EXOC6: variants seen among roughly 807,000 people sequenced by gnomAD.
EXOC6 encodes SEC15-like 1.
A neutral mutation model predicts 112.5 loss-of-function variants in EXOC6; 60 were observed. The observed-to-expected ratio is 0.53, with a 90% CI of 0.43 to 0.66. EXOC6 has a LOEUF of 0.66. EXOC6 is among the 30% of genes least tolerant of loss of function. EXOC6 has a pLI of 0.00. For missense variants in EXOC6, 855 were observed against 957.1 expected (o/e 0.89, Z 1.41); for synonymous variants, 295 against 308.0 (o/e 0.96, Z 0.44).
rs77372495 is a variant in EXOC6, at chr10:92,918,357, A to G, written c.820-1625A>G. On this transcript the variant is annotated intron_variant, in intron 7 of 21. Coordinates refer to ENST00000260762, the MANE Select transcript of EXOC6 (RefSeq NM_019053.6). ...GAATTTTTAGTTGAACCATACGACTATGTGCTCATGACTGCATTTGTGAAT... is the reference window on the plus strand; with the variant it reads ...GAATTTTTAGTTGAACCATACGACTGTGTGCTCATGACTGCATTTGTGAAT... 9.4e-4 allele frequency among the ~76,000 whole-genome samples: 142 copies of G among 151,682 alleles called. 5 individuals are homozygous for G. The East Asian group carries it at 0.022, about 23-fold the overall frequency.
chr10:92,898,362 T>A (rs1849946010), intron 4 of EXOC6, among the ~76,000 whole-genome samples: 1 of 150,996 alleles, frequency 6.6e-6, no homozygotes, highest in South Asian at 2.1e-4. Flanking sequence ...CCCAAGAGGT[T>A]GAGGCTGCAG....
At chr10:92,858,589 C>T (rs1847742104) in intron 1 of EXOC6, among the ~76,000 whole-genome samples, 1 of 152,060 alleles carries the variant, frequency 6.6e-6, no homozygotes, top group South Asian at 2.1e-4. Context: ...CTGGAATTTC[C>T]AATTATTAAA....
At chr10:92,943,851 C>G (rs1281229901) in intron 13 of EXOC6, among the ~76,000 whole-genome samples, 1 of 152,156 alleles carries the variant, frequency 6.6e-6, no homozygotes, top group Non-Finnish European at 1.5e-5. Flanking sequence ...AAACTGTACT[C>G]TTTGACAAAC....
chr10:93,015,467 G>A (rs762900210), intron 20 of EXOC6, among the ~76,000 whole-genome samples: 4 of 152,058 alleles, frequency 2.6e-5, no homozygotes, highest in Non-Finnish European at 5.9e-5. Flanking sequence ...ATGAGTTGCC[G>A]GCTGGGCTGT....
intron 1 of EXOC6, among the ~76,000 whole-genome samples, chr10:92,853,781 C>T (rs1847463633): frequency 6.6e-6 from 1 of 151,938 alleles, no homozygotes; most frequent in Non-Finnish European, 1.5e-5. Flanking sequence ...AACTATAAGA[C>T]TACTAGAAAA....
At chr10:92,877,082 C>T (rs1317914037) in intron 1 of EXOC6, among the ~76,000 whole-genome samples, 1 of 151,874 alleles carries the variant, frequency 6.6e-6, no homozygotes, top group Non-Finnish European at 1.5e-5. Context: ...GGAAACTTAC[C>T]CTTTGTGGTT....
chr10:92,849,077 G>T (rs1847195895), intron 1 of EXOC6, among the ~76,000 whole-genome samples: 2 of 152,160 alleles, frequency 1.3e-5, no homozygotes, highest in Non-Finnish European at 2.9e-5. Context: ...GTGCCAGGTC[G>T]CGCGCGGGTG....
upstream of EXOC6, among the ~76,000 whole-genome samples, chr10:92,830,879 C>T (rs1846463634): frequency 6.6e-6 from 1 of 152,134 alleles, no homozygotes; most frequent in Non-Finnish European, 1.5e-5. Flanking sequence ...ACACGCCATT[C>T]TTTTTTATGG....
intron 18 of EXOC6, among the ~76,000 whole-genome samples, chr10:92,988,681 C>A (rs1193511816): frequency 6.6e-6 from 1 of 152,002 alleles, no homozygotes. Flanking sequence ...TTTCTGAGGC[C>A]GGACACGGTG....
chr10:93,024,413 C>A (rs552098180), intron 20 of EXOC6, among the ~76,000 whole-genome samples: 18 of 151,982 alleles, frequency 1.2e-4, no homozygotes, highest in Non-Finnish European at 2.5e-4. Flanking sequence ...TCTTAGAGAC[C>A]ATTTTTATTA....
At chr10:92,909,716 T>G (rs1258455352) in intron 6 of EXOC6, 85 bp downstream of exon 6, 1 of 782,052 alleles carries the variant, frequency 1.3e-6, no homozygotes. Flanking sequence ...TTAACTTACA[T>G]AAAATGCTTA....
Position 92,871,376 on chromosome 10 carries a change from C to T in EXOC6, c.102-21973C>T, listed in dbSNP as rs1172089200. 4.3e-4 allele frequency among the ~76,000 whole-genome samples: 65 copies of T among 150,432 alleles called. 1 individual carries two copies. Among genetic ancestry groups the T allele is most frequent in the Non-Finnish European group, 8.9e-5 (6 of 67,684 alleles). On this transcript the variant is annotated intron_variant, in intron 1 of 21. Transcript: ENST00000260762. ...ACCCAGTATCTACAACAAACAAAAA[C>T]CAGATTAGCTGGACACCTGTGGTCT... is the stretch of plus-strand genomic sequence containing the variant.
At chr10:92,931,080 C>G (rs576419665) in intron 9 of EXOC6, among the ~76,000 whole-genome samples, 10 of 141,768 alleles carry the variant, frequency 7.1e-5, no homozygotes, top group African/African-American at 2.4e-4. Flanking sequence ...CCATTGCACT[C>G]CAGCCTGGCG....
chr10:92,920,066 AT>A lies in EXOC6; in HGVS notation c.888+19del, dbSNP rs1232273880. 1.3e-6 allele frequency: 2 copies of A among 1,487,744 alleles called. No individual in the cohort carries two copies. Among genetic ancestry groups the A allele is most frequent in the South Asian group, 2.4e-5 (2 of 83,096 alleles). 92.2% of individuals were successfully genotyped at this position (1,487,744 alleles called of 1,614,324 possible). A position where few individuals can be genotyped will look rare whatever the true frequency, so the allele number is the denominator to read the frequency against. On this transcript the variant is annotated intron_variant, in intron 8 of 21. Coordinates refer to ENST00000260762, the MANE Select transcript of EXOC6 (RefSeq NM_019053.6). ...TTCTGTTTTGGTAAGTATGTTTTAT[AT>A]TTATGTATATATAGCTTTATATTAT...
At chr10:92,942,973 T>TA (rs1818289381) in intron 13 of EXOC6, among the ~76,000 whole-genome samples, 1 of 152,038 alleles carries the variant, frequency 6.6e-6, no homozygotes, top group South Asian at 2.1e-4. Context: ...AATTTCCAAA[T>TA]ATATTTTGAC....
chr10:92,899,710 AT>A, intron 5 of EXOC6, 66 bp downstream of exon 5: 1 of 1,140,568 alleles, frequency 8.8e-7, no homozygotes, highest in Non-Finnish European at 1.3e-6. Flanking sequence ...GGACAGATAC[AT>A]TTACTATAAA....
chr10:92,852,215 G>C (rs1564772154), intron 1 of EXOC6, among the ~76,000 whole-genome samples: 1 of 152,212 alleles, frequency 6.6e-6, no homozygotes, highest in Non-Finnish European at 1.5e-5. Context: ...ATTAAAGAAA[G>C]GGAATTTTGC....
intron 15 of EXOC6, among the ~76,000 whole-genome samples, chr10:92,954,255 G>A (rs1294784453): frequency 6.6e-6 from 1 of 152,110 alleles, no homozygotes; most frequent in African/African-American, 2.4e-5. Flanking sequence ...ACTCCAGCCT[G>A]GGTGACAAAG....
At position 93,056,560 on chromosome 10, in the gene EXOC6, G is replaced by C. The variant is rs184054522; in HGVS notation, c.2170-364G>C. Among the ~76,000 whole-genome samples the C allele has an allele frequency of 4.2e-3, 645 of 152,236 alleles. 5 individuals are homozygous for C. Among genetic ancestry groups the C allele is most frequent in the South Asian group, 0.012 (59 of 4,826 alleles). On this transcript the variant is annotated intron_variant, in intron 20 of 21. Coordinates refer to ENST00000260762, the MANE Select transcript of EXOC6 (RefSeq NM_019053.6). Reference sequence around the variant, plus strand: ...TAAGTTCTTTAAAATTCTTCATACAGGTTAGTAGCACCAACCTTTATTAAT... The same window carrying C: ...TAAGTTCTTTAAAATTCTTCATACACGTTAGTAGCACCAACCTTTATTAAT...
Sources: allele counts gnomAD v4.1 joint callset (sites outside exome capture counted in the v4.1 genomes callset), GRCh38; gene constraint gnomAD v4.1.1; transcripts MANE v1.5; gene names NCBI Gene and HGNC (gene_info 2026-07-23, HGNC 2026-07-21).